THRB: variants seen among roughly 807,000 people sequenced by gnomAD.
THRB encodes the protein nuclear receptor subfamily 1 group A member 2.
THRB carries 12 observed loss-of-function variants against 47.8 expected under a neutral mutation model. That is an observed-to-expected ratio of 0.25 (90% CI 0.16 to 0.41). THRB has a LOEUF of 0.41. Ranked by LOEUF, THRB falls within the 10% of genes least tolerant of loss-of-function variation. THRB has a pLI of 1.00. For synonymous variants in THRB, 218 were observed against 212.2 expected, an observed-to-expected ratio of 1.03 and a Z score of -0.24; for missense variants, 348 against 589.2, an observed-to-expected ratio of 0.59 and a Z score of 4.24.
intron 5 of THRB, among the ~76,000 whole-genome samples, chr3:24,179,849 G>A (rs1409932020): frequency 2.6e-5 from 4 of 152,024 alleles, no homozygotes; most frequent in Admixed American, 1.3e-4. Flanking sequence ...ATCATAGAAC[G>A]GGCATTCATT....
chr3:24,135,886 T>A, intron 8 of THRB, among the ~76,000 whole-genome samples: 1 of 147,478 alleles, frequency 6.8e-6, no homozygotes, highest in East Asian at 2.0e-4. Context: ...TATATAATTA[T>A]ATATATGTAG....
intron 5 of THRB, among the ~76,000 whole-genome samples, chr3:24,183,119 C>G (rs912508378): frequency 6.6e-6 from 1 of 151,714 alleles, no homozygotes; most frequent in Non-Finnish European, 1.5e-5. Flanking sequence ...ACTGTTTATG[C>G]CTCTACTAGA....
At chr3:24,390,784 T>TAA (rs33999392) in intron 1 of THRB, among the ~76,000 whole-genome samples, 2,884 of 138,182 alleles carry the variant, frequency 0.021, 101 homozygotes, top group African/African-American at 0.071. Flanking sequence ...CTTTACTTTG[T>TAA]AAAAAAAAAA....
At chr3:24,301,025 A>G (rs1288297827) in intron 2 of THRB, among the ~76,000 whole-genome samples, 7 of 152,174 alleles carry the variant, frequency 4.6e-5, no homozygotes, top group Non-Finnish European at 2.9e-5. Flanking sequence ...AGAGACACAC[A>G]GAGGGGAGAC....
intron 1 of THRB, among the ~76,000 whole-genome samples, chr3:24,464,261 A>T (rs190110811): frequency 7.2e-5 from 11 of 152,190 alleles, no homozygotes; most frequent in East Asian, 3.9e-4. Flanking sequence ...AAAAGAAAAA[A>T]AAAAAAGAAA....
At chr3:24,411,849 AG>A (rs1002730816) in intron 1 of THRB, among the ~76,000 whole-genome samples, 6 of 151,806 alleles carry the variant, frequency 4.0e-5, no homozygotes, top group African/African-American at 1.4e-4. Flanking sequence ...GCCAAGGTTG[AG>A]AAACCCTGAT....
At chr3:24,149,461 G>A (rs1237575442) in intron 6 of THRB, among the ~76,000 whole-genome samples, 1 of 152,188 alleles carries the variant, frequency 6.6e-6, no homozygotes, top group African/African-American at 2.4e-5. Flanking sequence ...AGAATGAGGT[G>A]TGACACACCA....
chr3:24,405,401 T>C (rs2150122737), intron 1 of THRB, among the ~76,000 whole-genome samples: 1 of 152,064 alleles, frequency 6.6e-6, no homozygotes, highest in East Asian at 1.9e-4. Flanking sequence ...AGTAGCAAAA[T>C]AGACTGTGGC....
chr3:24,145,960 T>C (rs546323712), intron 7 of THRB, among the ~76,000 whole-genome samples: 161 of 152,288 alleles, frequency 1.1e-3, no homozygotes, highest in Non-Finnish European at 1.5e-3. Context: ...GATTCTTATT[T>C]TTATGATTAG....
chr3:24,127,870 T>C (rs1667765), intron 9 of THRB, 113 bp from the exon 10 acceptor site: 251,241 of 1,243,074 alleles, frequency 0.2, 29,751 homozygotes, highest in East Asian at 0.55. Context: ...ACATTTGTCC[T>C]GCATTCTTTG....
intron 5 of THRB, among the ~76,000 whole-genome samples, chr3:24,176,154 C>T (rs924647925): frequency 6.6e-6 from 1 of 152,022 alleles, no homozygotes. Flanking sequence ...GAAAAAAATG[C>T]TCTTCGATAT....
At chr3:24,448,165 C>T (rs1420869052) in intron 1 of THRB, among the ~76,000 whole-genome samples, 3 of 152,048 alleles carry the variant, frequency 2.0e-5, no homozygotes, top group Non-Finnish European at 4.4e-5. Flanking sequence ...ATTCCAAGTA[C>T]AGAAATGGTC....
intron 3 of THRB, among the ~76,000 whole-genome samples, chr3:24,233,253 C>A (rs2048429324): frequency 6.6e-6 from 1 of 152,094 alleles, no homozygotes; most frequent in African/African-American, 2.4e-5. Context: ...TTTGGAAGGC[C>A]TTGGGTTCCA....
At chr3:24,274,165 T>G (rs2053653077) in intron 3 of THRB, among the ~76,000 whole-genome samples, 2 of 152,204 alleles carry the variant, frequency 1.3e-5, no homozygotes, top group South Asian at 4.1e-4. Context: ...TATTATTTAT[T>G]ATACTTCTTT....
Position 24,347,221 on chromosome 3 carries a change from T to C in THRB, c.-260-9850A>G, listed in dbSNP as rs184905173. On this transcript the variant is annotated intron_variant, in intron 1 of 10. Coordinates refer to ENST00000646209, the MANE Select transcript of THRB (RefSeq NM_001354712.2). ...ATAGAAGAAAACATGCCATCTCAAGTGTGTGAGATGCAGCTAAAGGTGTGA... is the reference window on the plus strand; with the variant it reads ...ATAGAAGAAAACATGCCATCTCAAGCGTGTGAGATGCAGCTAAAGGTGTGA... Among the ~76,000 whole-genome samples, 46 of 152,024 alleles carry C rather than the reference T, an allele frequency of 3.0e-4. No homozygotes were observed. The South Asian group carries it at 7.3e-3, about 24-fold the overall frequency.
Position 24,436,938 on chromosome 3 carries a change from A to T in THRB, c.-261+57714T>A, listed in dbSNP as rs562953620. Among the ~76,000 whole-genome samples, 5 of 152,088 alleles carry T rather than the reference A, an allele frequency of 3.3e-5. No homozygotes were observed. In the East Asian group the frequency reaches 9.7e-4, roughly 29 times the overall value. On this transcript the variant is annotated intron_variant, in intron 1 of 10. Transcript: ENST00000646209. Reference sequence around the variant, plus strand: ...AGGTCTGGCCAATGTAGTAAAATCCACTTTAGGAAATGGAAACCCTTAAGT... The same window carrying T: ...AGGTCTGGCCAATGTAGTAAAATCCTCTTTAGGAAATGGAAACCCTTAAGT...
At chr3:24,376,610 C>T (rs1307456306) in intron 1 of THRB, among the ~76,000 whole-genome samples, 5 of 151,520 alleles carry the variant, frequency 3.3e-5, no homozygotes, top group South Asian at 2.1e-4. Context: ...GGAAAAGAGA[C>T]GTTGCTGAAC....
intron 1 of THRB, among the ~76,000 whole-genome samples, chr3:24,411,882 C>T (rs759290957): frequency 4.0e-5 from 6 of 151,716 alleles, no homozygotes; most frequent in Non-Finnish European, 7.4e-5. Flanking sequence ...AATCAGAATG[C>T]AGGGATCTGA....
chr3:24,210,366 A>G (rs1317092085), intron 4 of THRB, among the ~76,000 whole-genome samples: 1 of 151,688 alleles, frequency 6.6e-6, no homozygotes, highest in Non-Finnish European at 1.5e-5. Context: ...CTGGCTGGGG[A>G]GATCCCCGGC....
Sources: allele counts gnomAD v4.1 joint callset (sites outside exome capture counted in the v4.1 genomes callset), GRCh38; gene constraint gnomAD v4.1.1; transcripts MANE v1.5; gene names NCBI Gene and HGNC (gene_info 2026-07-23, HGNC 2026-07-21).